UNC13C: variants seen among roughly 807,000 people sequenced by gnomAD.
UNC13C encodes the protein protein unc-13 homolog C.
A neutral mutation model predicts 245.4 loss-of-function variants in UNC13C; 174 were observed. The observed-to-expected ratio is 0.71, with a 90% CI of 0.63 to 0.80. The LOEUF (loss-of-function observed/expected upper bound fraction) is 0.80, where lower values mean the gene tolerates loss of function less well. UNC13C is among the 30% of genes least tolerant of loss of function. UNC13C has a pLI of 0.00. For synonymous variants in UNC13C, 992 were observed against 895.1 expected (o/e 1.11, Z -1.93); for missense variants, 2,829 against 2,602.9 (o/e 1.09, Z -1.89).
intron 26 of UNC13C, among the ~76,000 whole-genome samples, chr15:54,542,366 CTT>C (rs1201779249): frequency 2.0e-5 from 3 of 151,886 alleles, no homozygotes; most frequent in Admixed American, 1.3e-4. Context: ...CTGAGAGACT[CTT>C]TGTTATGATT....
intron 2 of UNC13C, among the ~76,000 whole-genome samples, chr15:54,131,597 T>C (rs1227252679): frequency 6.6e-6 from 1 of 152,196 alleles, no homozygotes; most frequent in Admixed American, 6.5e-5. Flanking sequence ...TCATGCTGTA[T>C]ACACTATCCA....
chr15:54,459,983 A>G (rs1278442863), intron 19 of UNC13C, among the ~76,000 whole-genome samples: 1 of 152,136 alleles, frequency 6.6e-6, no homozygotes, highest in East Asian at 1.9e-4. Flanking sequence ...GTTTATTCAT[A>G]TTACCAGAAT....
chr15:54,121,552 T>G (rs2030668972), intron 2 of UNC13C, among the ~76,000 whole-genome samples: 2 of 152,056 alleles, frequency 1.3e-5, no homozygotes, highest in South Asian at 4.1e-4. Context: ...TTTAAATGTG[T>G]TGTATGACAA....
intron 29 of UNC13C, among the ~76,000 whole-genome samples, chr15:54,558,579 A>C (rs1192079922): frequency 6.6e-6 from 1 of 152,096 alleles, no homozygotes; most frequent in Non-Finnish European, 1.5e-5. Context: ...ATATTGATGA[A>C]AATATTAACT....
In UNC13C at chr15:54,314,048, C is replaced by A. The variant is rs1328906993; in HGVS notation, c.4269-7891C>A. ...GGCAGGCACAGAAAGACAAATACTGCATAATCTCACTTATATGTGGCATCA... is the reference window on the plus strand; with the variant it reads ...GGCAGGCACAGAAAGACAAATACTGAATAATCTCACTTATATGTGGCATCA... On this transcript the variant is annotated intron_variant, in intron 13 of 32. Coordinates refer to ENST00000260323, the MANE Select transcript of UNC13C (RefSeq NM_001080534.3). Among the ~76,000 whole-genome samples the A allele has an allele frequency of 7.7e-4, 115 of 149,750 alleles. 1 individual carries two copies. The highest frequency in any genetic ancestry group is 1.2e-4 in the Non-Finnish European group (8 of 67,446).
chr15:54,507,283 T>A, intron 23 of UNC13C, 89 bp downstream of exon 23: 1 of 865,452 alleles, frequency 1.2e-6, no homozygotes, highest in Non-Finnish European at 1.8e-6. Context: ...TTGTTGACTT[T>A]CAGTTTTCAC....
chr15:54,013,672 G>T lies in UNC13C; in HGVS notation c.769G>T (p.Glu257Ter). Residue 257 changes from glutamate (E) to a stop codon, truncating the protein, a stop_gained, in exon 2 of 33, where the codon GAA becomes TAA. Coordinates refer to ENST00000260323, the MANE Select transcript of UNC13C (RefSeq NM_001080534.3). LOFTEE classifies it high-confidence loss of function. ...FKELQGISQI[E>*]TELSELRGHV... ...GGAACTTCAGGGAATAAGTCAGATT[G>T]AAACAGAACTTTCTGAACTACGAGG... is the stretch of plus-strand genomic sequence containing the variant. 6.2e-7 allele frequency: 1 copy of T among 1,613,796 alleles called. No individual in the cohort carries two copies. The highest frequency in any genetic ancestry group is 1.1e-5 in the South Asian group (1 of 91,064).
chr15:53,983,592 T>C (rs930984071), intron 1 of UNC13C, among the ~76,000 whole-genome samples: 2 of 152,052 alleles, frequency 1.3e-5, no homozygotes, highest in Non-Finnish European at 2.9e-5. Flanking sequence ...GAAGAGCATA[T>C]TTTTTTAAAT....
intron 4 of UNC13C, among the ~76,000 whole-genome samples, chr15:54,169,898 T>A (rs541461461): frequency 6.6e-6 from 1 of 152,192 alleles, no homozygotes. Flanking sequence ...TTTCGCAGTT[T>A]ATGAATCTAT....
At chr15:53,924,468 C>A in the UNC13C span, among the ~76,000 whole-genome samples, 2 of 152,034 alleles carry the variant, frequency 1.3e-5, no homozygotes, top group African/African-American at 4.8e-5. Context: ...AAATATTAAC[C>A]TTTTCCATTT....
At chr15:54,541,289 A>G (rs1896232481) in intron 26 of UNC13C, among the ~76,000 whole-genome samples, 1 of 152,098 alleles carries the variant, frequency 6.6e-6, no homozygotes, top group Non-Finnish European at 1.5e-5. Context: ...AAATACAATT[A>G]TGTATATCTT....
chr15:54,184,764 A>G (rs371649741), intron 4 of UNC13C, among the ~76,000 whole-genome samples: 3 of 152,082 alleles, frequency 2.0e-5, no homozygotes, highest in South Asian at 2.1e-4. Context: ...ATGATTTATA[A>G]TCCTTTGGGT....
chr15:54,278,411 A>C (rs2036891237), intron 10 of UNC13C, among the ~76,000 whole-genome samples: 1 of 152,104 alleles, frequency 6.6e-6, no homozygotes. Flanking sequence ...CGAGAGAGGA[A>C]TTGGGAAGTT....
At chr15:53,936,124 A>G in the UNC13C span, among the ~76,000 whole-genome samples, 1 of 152,204 alleles carries the variant, frequency 6.6e-6, no homozygotes, top group African/African-American at 2.4e-5. Context: ...AGACTGCCTG[A>G]GACTGCCTGA....
the UNC13C span, among the ~76,000 whole-genome samples, chr15:53,971,658 T>A: frequency 6.6e-6 from 1 of 152,314 alleles, no homozygotes; most frequent in Non-Finnish European, 1.5e-5. Context: ...TCTGGAGTTT[T>A]AAAAAGTATA....
At chr15:54,288,477 G>T (rs16974442) in intron 10 of UNC13C, among the ~76,000 whole-genome samples, 7,511 of 151,938 alleles carry the variant, frequency 0.049, 613 homozygotes, top group African/African-American at 0.17. Context: ...TAGCTGGGGA[G>T]ATGCTCTACT....
intron 4 of UNC13C, among the ~76,000 whole-genome samples, chr15:54,230,452 A>G (rs1004861118): frequency 5.3e-5 from 7 of 131,668 alleles, no homozygotes; most frequent in African/African-American, 1.7e-4. Flanking sequence ...TTATCAGTCA[A>G]TTTTGAGTGA....
the UNC13C span, among the ~76,000 whole-genome samples, chr15:53,916,123 G>T: frequency 1.3e-5 from 2 of 152,166 alleles, no homozygotes; most frequent in African/African-American, 2.4e-5. Flanking sequence ...GGTGGACTGG[G>T]AGACTAGACA....
chr15:54,610,110 T>G (rs917328378), intron 30 of UNC13C, among the ~76,000 whole-genome samples: 2 of 151,786 alleles, frequency 1.3e-5, no homozygotes, highest in East Asian at 1.9e-4. Context: ...CATATTGTAG[T>G]TTTTTTTTAA....
Sources: allele counts gnomAD v4.1 joint callset (sites outside exome capture counted in the v4.1 genomes callset), GRCh38; gene constraint gnomAD v4.1.1; transcripts MANE v1.5; gene names NCBI Gene and HGNC (gene_info 2026-07-23, HGNC 2026-07-21).